The following MYL1 variants were observed in gnomAD, a reference collection of about 807,000 sequenced individuals.
MYL1 encodes myosin light chain 1.
A neutral mutation model predicts 21.8 loss-of-function variants in MYL1; 16 were observed. That is an observed-to-expected ratio of 0.74 (90% CI 0.50 to 1.12). The LOEUF (loss-of-function observed/expected upper bound fraction) is 1.12, where lower values mean the gene tolerates loss of function less well. MYL1 is among the 50% of genes most tolerant of loss of function. The probability of loss-of-function intolerance (pLI) is 0.00; values close to 1 mark genes in which losing one functional copy is unlikely to be tolerated. For missense variants in MYL1, 246 were observed against 241.0 expected, an observed-to-expected ratio of 1.02 and a Z score of -0.14; for synonymous variants, 99 against 85.2, an observed-to-expected ratio of 1.16 and a Z score of -0.89.
chr2:210,312,356 T>C (rs1339218237), intron 1 of MYL1, among the ~76,000 whole-genome samples: 1 of 151,932 alleles, frequency 6.6e-6, no homozygotes, highest in East Asian at 1.9e-4. Flanking sequence ...AGTTAATGAA[T>C]ACATATAACA....
At chr2:210,303,864 G>T (rs1418813474) in intron 1 of MYL1, among the ~76,000 whole-genome samples, 1 of 152,170 alleles carries the variant, frequency 6.6e-6, no homozygotes, top group Non-Finnish European at 1.5e-5. Flanking sequence ...TTCTCTTGGA[G>T]CATCTTCCTT....
chr2:210,296,549 G>A (rs1188901948), intron 3 of MYL1, among the ~76,000 whole-genome samples: 2 of 152,240 alleles, frequency 1.3e-5, no homozygotes, highest in Admixed American at 6.5e-5. Flanking sequence ...ACTTTGGGAG[G>A]CCGAGGCGGG....
chr2:210,298,677 A>G (rs961558220), intron 2 of MYL1, 114 bp from the exon 3 acceptor site: 2 of 1,152,872 alleles, frequency 1.7e-6, no homozygotes, highest in African/African-American at 3.1e-5. Flanking sequence ...TCTGCCAACT[A>G]TGCAAGTTGT....
At chr2:210,314,887 C>A in intron 1 of MYL1, 24 bp downstream of exon 1, 1 of 1,613,080 alleles carries the variant, frequency 6.2e-7, no homozygotes, top group South Asian at 1.1e-5. Flanking sequence ...TTTCAGTGAC[C>A]AAACAGTTCA....
At chr2:210,298,708 T>A in intron 2 of MYL1, 145 bp from the exon 3 acceptor site, 1 of 868,872 alleles carries the variant, frequency 1.2e-6, no homozygotes, top group Non-Finnish European at 1.7e-6. Context: ...TCTCTTTTTG[T>A]ATCTCCAAAT....
In MYL1 at chr2:210,312,468, C is replaced by G. The variant is rs573867133; in HGVS notation, c.132+2443G>C. ...AACATTATTAAGTGATTAAAAACAT[C>G]ATAATATAAAATGTTTTAATGTATG... On this transcript the variant is annotated intron_variant, in intron 1 of 6. Coordinates refer to ENST00000352451, the MANE Select transcript of MYL1 (RefSeq NM_079420.3). Among the ~76,000 whole-genome samples, 20 of 151,822 alleles carry G rather than the reference C, an allele frequency of 1.3e-4. No individual in the cohort carries two copies. In the South Asian group the frequency reaches 3.1e-3, roughly 24 times the overall value.
chr2:210,312,865 G>T (rs1690436068), intron 1 of MYL1, among the ~76,000 whole-genome samples: 1 of 151,678 alleles, frequency 6.6e-6, no homozygotes, highest in Non-Finnish European at 1.5e-5. Context: ...CACTCCAGGG[G>T]TATTTCCTTC....
intron 1 of MYL1, chr2:210,303,532 T>C (rs992896342): frequency 3.1e-6 from 5 of 1,611,000 alleles, no homozygotes; most frequent in Non-Finnish European, 4.2e-6. Flanking sequence ...TATTGTCTCA[T>C]AGGACCCACC....
At chr2:210,302,063 G>A (rs1469217006) in intron 2 of MYL1, among the ~76,000 whole-genome samples, 1 of 151,958 alleles carries the variant, frequency 6.6e-6, no homozygotes, top group African/African-American at 2.4e-5. Flanking sequence ...AAATGATATA[G>A]GTTTAGTAAT....
chr2:210,291,036 A>T lies in MYL1; in HGVS notation c.*10T>A. 2 of 1,604,726 alleles carry T rather than the reference A, an allele frequency of 1.2e-6. No individual in the cohort carries two copies. Among genetic ancestry groups the T allele is most frequent in the Non-Finnish European group, 1.7e-6 (2 of 1,172,796 alleles). The stretch of plus-strand genomic sequence containing the variant: ...AAAGAGGGAACTGGTATATACCTTG[A>T]GAGCTCCATTCAGATAGACATGATG... On this transcript the variant is annotated 3_prime_UTR_variant, in exon 6 of 7. Coordinates refer to ENST00000352451, the MANE Select transcript of MYL1 (RefSeq NM_079420.3).
At chr2:210,291,153 T>C (rs1343899472) in intron 5 of MYL1, 79 bp from the exon 6 acceptor site, 12 of 1,120,738 alleles carry the variant, frequency 1.1e-5, no homozygotes, top group African/African-American at 1.6e-5. Flanking sequence ...GTTTAATGAG[T>C]TAGCTCAATC....
intron 2 of MYL1, 86 bp from the exon 3 acceptor site, chr2:210,298,649 C>T: frequency 6.8e-7 from 1 of 1,477,004 alleles, no homozygotes. Flanking sequence ...TCAGTTCAAA[C>T]TCTTCAGTTT....
chr2:210,314,714 A>G (rs757115622), intron 1 of MYL1, among the ~76,000 whole-genome samples, 197 bp downstream of exon 1: 63 of 152,252 alleles, frequency 4.1e-4, no homozygotes, highest in Non-Finnish European at 8.4e-4. Flanking sequence ...GGCTTCACAT[A>G]TGATACCATA....
At chr2:210,313,360 T>C (rs7589391) in intron 1 of MYL1, among the ~76,000 whole-genome samples, 1 of 151,970 alleles carries the variant, frequency 6.6e-6, no homozygotes, top group Non-Finnish European at 1.5e-5. Flanking sequence ...AGTGCAGAGT[T>C]AAAGATGAGG....
At chr2:210,293,588 A>G in intron 5 of MYL1, 135 bp downstream of exon 5, 6 of 700,544 alleles carry the variant, frequency 8.6e-6, no homozygotes, top group South Asian at 7.3e-5. Context: ...ATCCTCACAT[A>G]TCTTTTTAGA....
At chr2:210,305,896 A>G (rs1420170316) in intron 1 of MYL1, among the ~76,000 whole-genome samples, 1 of 151,662 alleles carries the variant, frequency 6.6e-6, no homozygotes, top group African/African-American at 2.4e-5. Flanking sequence ...CCCTGTCTCT[A>G]CTAAAAATAC....
At position 210,302,529 on chromosome 2, in the gene MYL1, A is replaced by C. The variant is rs1690279438; in HGVS notation, c.133-14T>G. 1.2e-6 allele frequency: 2 copies of C among 1,608,356 alleles called. No individual in the cohort carries two copies. Among genetic ancestry groups the C allele is most frequent in the African/African-American group, 2.7e-5 (2 of 74,592 alleles). ...AGAGAACTCGATCTGTTAGAAAGAA[A>C]TTGACCACAAAGAATGTTTTAACCA... On this transcript the variant is annotated splice_polypyrimidine_tract_variant and intron_variant, in intron 1 of 6. Coordinates refer to ENST00000352451, the MANE Select transcript of MYL1 (RefSeq NM_079420.3).
intron 1 of MYL1, among the ~76,000 whole-genome samples, chr2:210,309,755 A>C (rs1690391296): frequency 6.6e-6 from 1 of 152,012 alleles, no homozygotes; most frequent in African/African-American, 2.4e-5. Context: ...TGAGTTCTAA[A>C]AACAACTTGC....
Position 210,293,780 on chromosome 2 carries a change from C to T in MYL1, c.499G>A (p.Glu167Lys). Residue 167 changes from glutamate (E) to lysine (K), a missense_variant, in exon 5 of 7, where the codon GAA (glutamate) becomes AAA (lysine). Physicochemically the swap from Glu to Lys is moderately conservative, Grantham distance 56. Transcript: ENST00000352451. ...ATLGEKMKEEEVEALMAGQED... is the reference protein window; with the variant it reads ...ATLGEKMKEEKVEALMAGQED... ...TGACCTGCCATCAGGGCTTCCACTTCTTCCTCTTTCATCTTTTCACCTGAT... is the reference window on the plus strand; with the variant it reads ...TGACCTGCCATCAGGGCTTCCACTTTTTCCTCTTTCATCTTTTCACCTGAT... The T allele has an allele frequency of 1.2e-6, 2 of 1,614,062 alleles. No individual in the cohort carries two copies. Among genetic ancestry groups the T allele is most frequent in the Non-Finnish European group, 1.7e-6 (2 of 1,179,932 alleles).
Sources: gnomAD v4.1 joint callset for allele counts (sites outside exome capture counted in the v4.1 genomes callset) on GRCh38, gnomAD v4.1.1 for gene constraint, MANE v1.5 for transcripts, NCBI Gene and HGNC (gene_info 2026-07-23, HGNC 2026-07-21) for gene names.